C12orf42: variants seen among roughly 807,000 people sequenced by gnomAD.
The protein encoded by C12orf42 is chromosome 12 open reading frame 42.
A neutral mutation model predicts 21.6 loss-of-function variants in C12orf42; 25 were observed. The observed-to-expected ratio is 1.16, with a 90% CI of 0.84 to 1.62. The LOEUF is 1.62. Among genes scored for constraint, C12orf42 ranks in the 40% most tolerant of loss-of-function variants. C12orf42 has a pLI of 0.00. For synonymous variants in C12orf42, 174 were observed against 175.0 expected (o/e 0.99, Z 0.05); for missense variants, 483 against 459.3 (o/e 1.05, Z -0.47).
intron 3 of C12orf42, among the ~76,000 whole-genome samples, chr12:103,389,350 T>G (rs908861988): frequency 6.6e-6 from 1 of 152,230 alleles, no homozygotes. Context: ...AGATCCACAA[T>G]GACTCTGTTC....
At chr12:103,221,283 C>G in the C12orf42 span, among the ~76,000 whole-genome samples, 2 of 152,186 alleles carry the variant, frequency 1.3e-5, no homozygotes, top group Admixed American at 1.3e-4. Context: ...ATATTTTGGT[C>G]AACTCCCTTT....
chr12:103,449,051 C>T (rs183396791), intron 2 of C12orf42, among the ~76,000 whole-genome samples: 1 of 151,324 alleles, frequency 6.6e-6, no homozygotes, highest in Non-Finnish European at 1.5e-5. Flanking sequence ...GCCCAAATGC[C>T]CATCAATCAA....
At chr12:103,547,692 T>C in the C12orf42 span, 11 of 152,222 alleles carry the variant, frequency 7.2e-5, no homozygotes, top group African/African-American at 1.9e-4. Flanking sequence ...AGGCAGGTAT[T>C]GTAAAAGGTA....
chr12:103,274,542 T>C (rs1284161287), intron 5 of C12orf42, among the ~76,000 whole-genome samples: 1 of 152,184 alleles, frequency 6.6e-6, no homozygotes, highest in Non-Finnish European at 1.5e-5. Context: ...TGTTACCCTT[T>C]CTCACTGTGG....
At chr12:103,310,119 G>A (rs778680988) in intron 4 of C12orf42, among the ~76,000 whole-genome samples, 1 of 152,212 alleles carries the variant, frequency 6.6e-6, no homozygotes, top group Non-Finnish European at 1.5e-5. Context: ...CTGGTGGGAG[G>A]TGATTGGATA....
intron 4 of C12orf42, among the ~76,000 whole-genome samples, chr12:103,311,284 C>T (rs570787066): frequency 2.5e-4 from 38 of 151,788 alleles, no homozygotes; most frequent in Admixed American, 9.9e-4. Flanking sequence ...GTGGTGACTA[C>T]GCTTATTTAT....
At chr12:103,476,010 A>C (rs760183741) in intron 2 of C12orf42, among the ~76,000 whole-genome samples, 1 of 152,232 alleles carries the variant, frequency 6.6e-6, no homozygotes, top group Non-Finnish European at 1.5e-5. Flanking sequence ...CAAGATGTAC[A>C]GATGAGCAAC....
the C12orf42 span, among the ~76,000 whole-genome samples, chr12:103,116,190 C>T: frequency 1.3e-5 from 2 of 151,744 alleles, no homozygotes; most frequent in East Asian, 1.9e-4. Flanking sequence ...GGTGAAACCC[C>T]GTCGTCTCTA....
intron 1 of C12orf42, among the ~76,000 whole-genome samples, chr12:103,483,834 C>T (rs1954638816): frequency 6.6e-6 from 1 of 152,074 alleles, no homozygotes; most frequent in South Asian, 2.1e-4. Context: ...ATGACAGGCC[C>T]TGGTGTGCGA....
At chr12:103,294,189 A>G (rs1456409677) in intron 4 of C12orf42, among the ~76,000 whole-genome samples, 21 of 152,056 alleles carry the variant, frequency 1.4e-4, no homozygotes, top group Admixed American at 1.4e-3. Flanking sequence ...CAAATTTCTC[A>G]GATCTCTTGC....
At chr12:103,500,604 T>TA (rs747761515), upstream of C12orf42, among the ~76,000 whole-genome samples, 35 of 152,154 alleles carry the variant, frequency 2.3e-4, no homozygotes, top group Non-Finnish European at 4.9e-4. Flanking sequence ...TAGCCAAAAG[T>TA]AAAAACTATA....
At chr12:103,079,898 A>G in the C12orf42 span, among the ~76,000 whole-genome samples, 3 of 152,328 alleles carry the variant, frequency 2.0e-5, no homozygotes, top group South Asian at 4.1e-4. Context: ...ACTTGAATCA[A>G]TGATGGTAAA....
chr12:103,339,521 AG>A lies in C12orf42; in HGVS notation c.259+29365del, dbSNP rs1224123412. ...CTCTATCCATCCATGTCCATAAAAA[AG>A]TGGACAAAGGACATGAACAGATACT... On this transcript the variant is annotated intron_variant, in intron 4 of 5. Transcript: ENST00000548883. Among the ~76,000 whole-genome samples, 5 of 152,364 alleles carry A rather than the reference AG, an allele frequency of 3.3e-5. No homozygotes were observed. The South Asian group carries it at 8.3e-4, about 25-fold the overall frequency.
chr12:103,168,002 TTG>T, the C12orf42 span: 1 of 439,314 alleles, frequency 2.3e-6, no homozygotes, highest in Non-Finnish European at 4.5e-6. Context: ...ATGTTTTTAA[TTG>T]TGTCTGTTAA....
In C12orf42 at chr12:103,244,222, C is replaced by G. The variant is rs570866107; in HGVS notation, c.*1367-6320G>C. On this transcript the variant is annotated intron_variant and NMD_transcript_variant, in intron 10 of 10. Coordinates refer to the C12orf42 transcript ENST00000547347. ...AACATGCACGGATCCTAATCCCTGG[C>G]CTGCTGGAGGCTTGGGCTGATGTCA... Among the ~76,000 whole-genome samples the G allele has an allele frequency of 3.9e-5, 6 of 152,150 alleles. No individual in the cohort carries two copies. In the South Asian group the frequency reaches 1.0e-3, roughly 26 times the overall value.
chr12:103,178,611 G>A, the C12orf42 span: 5 of 152,182 alleles, frequency 3.3e-5, no homozygotes, highest in Admixed American at 2.6e-4. Context: ...CAGCCAGAGA[G>A]GCCACGTGTC....
At chr12:103,221,977 G>C in the C12orf42 span, among the ~76,000 whole-genome samples, 27 of 152,296 alleles carry the variant, frequency 1.8e-4, no homozygotes, top group African/African-American at 6.5e-4. Context: ...CTCAAACTAG[G>C]AGTTTGTGAA....
At chr12:103,495,457 T>A (rs910379287) in intron 1 of C12orf42, among the ~76,000 whole-genome samples, 14 of 146,118 alleles carry the variant, frequency 9.6e-5, no homozygotes, top group African/African-American at 3.5e-4. Flanking sequence ...TGTATTAGCA[T>A]GCGGGCGGCG....
the C12orf42 span, among the ~76,000 whole-genome samples, chr12:103,106,202 C>T: frequency 3.1e-4 from 47 of 151,852 alleles, no homozygotes; most frequent in African/African-American, 9.4e-4. Context: ...TGAAATAATG[C>T]CTAACTCAAC....
Sources: gnomAD v4.1 joint callset for allele counts (sites outside exome capture counted in the v4.1 genomes callset) on GRCh38, gnomAD v4.1.1 for gene constraint, MANE v1.5 for transcripts, NCBI Gene and HGNC (gene_info 2026-07-23, HGNC 2026-07-21) for gene names.